Variants in SLC14A2 observed in about 807,000 individuals in gnomAD.
SLC14A2 encodes the protein solute carrier family 14 member 2.
Under a neutral mutation model 104.6 loss-of-function variants are expected in SLC14A2, and 91 were observed. The ratio of observed to expected loss-of-function variants is 0.87; its 90% CI spans 0.73 to 1.04. SLC14A2 has a LOEUF of 1.04. Among genes scored for constraint, SLC14A2 ranks in the 50% least tolerant of loss-of-function variants. The pLI is 0.00. For missense variants in SLC14A2, 1,189 were observed against 1,156.0 expected, an observed-to-expected ratio of 1.03 and a Z score of -0.41; for synonymous variants, 476 against 466.4, an observed-to-expected ratio of 1.02 and a Z score of -0.27.
At chr18:45,476,294 T>G (rs187737016) in intron 1 of SLC14A2, among the ~76,000 whole-genome samples, 8 of 152,152 alleles carry the variant, frequency 5.3e-5, no homozygotes, top group Non-Finnish European at 1.0e-4. Flanking sequence ...TTTTAAGAAT[T>G]TTGAATATTG....
intron 2 of SLC14A2, among the ~76,000 whole-genome samples, chr18:45,575,019 T>C (rs967694428): frequency 2.6e-5 from 4 of 152,164 alleles, no homozygotes; most frequent in South Asian, 2.1e-4. Flanking sequence ...ACACCGACCA[T>C]GGAAGTGGGT....
chr18:45,355,018 A>T (rs147158213), intron 1 of SLC14A2, among the ~76,000 whole-genome samples: 127 of 152,342 alleles, frequency 8.3e-4, no homozygotes, highest in African/African-American at 3.0e-3. Flanking sequence ...TGGAAGAAAC[A>T]ATTGAGTCTG....
chr18:45,509,978 G>T (rs777206262), intron 2 of SLC14A2, among the ~76,000 whole-genome samples: 1 of 152,116 alleles, frequency 6.6e-6, no homozygotes, highest in Non-Finnish European at 1.5e-5. Flanking sequence ...CTGAGTGGAG[G>T]GGTTGCCCAT....
chr18:45,640,498 C>T (rs1053673295), intron 7 of SLC14A2, among the ~76,000 whole-genome samples: 1 of 152,124 alleles, frequency 6.6e-6, no homozygotes, highest in Non-Finnish European at 1.5e-5. Flanking sequence ...AACAAATGTG[C>T]TTTAATATTG....
At chr18:45,304,290 G>A (rs1441289689) in intron 1 of SLC14A2, among the ~76,000 whole-genome samples, 1 of 152,168 alleles carries the variant, frequency 6.6e-6, no homozygotes, top group Non-Finnish European at 1.5e-5. Context: ...AGAACAATGT[G>A]AGACTATTCC....
At chr18:45,179,285 T>C in the SLC14A2 span, among the ~76,000 whole-genome samples, 1 of 152,182 alleles carries the variant, frequency 6.6e-6, no homozygotes, top group African/African-American at 2.4e-5. Context: ...GAGAGGCCAT[T>C]GCAGAGCATG....
chr18:45,589,806 G>A (rs2144383717), intron 2 of SLC14A2, among the ~76,000 whole-genome samples: 1 of 152,336 alleles, frequency 6.6e-6, no homozygotes, highest in Middle Eastern at 3.4e-3. Flanking sequence ...TTAACTTGCT[G>A]AAGAAGAGGG....
intron 1 of SLC14A2, among the ~76,000 whole-genome samples, chr18:45,358,209 G>A (rs185688320): frequency 6.6e-6 from 1 of 152,244 alleles, no homozygotes; most frequent in Admixed American, 6.5e-5. Flanking sequence ...GGTTTCCCTG[G>A]CAGAAGCCTG....
chr18:45,475,642 GATATATATATAT>G (rs137928157), intron 1 of SLC14A2, among the ~76,000 whole-genome samples: 1,818 of 49,072 alleles, frequency 0.037, 37 homozygotes, highest in South Asian at 0.061. Context: ...ATATATTTAG[GATATATATATAT>G]ATATATATAT....
At chr18:45,408,345 A>T (rs1445105576) in intron 1 of SLC14A2, among the ~76,000 whole-genome samples, 2 of 152,172 alleles carry the variant, frequency 1.3e-5, no homozygotes, top group Non-Finnish European at 2.9e-5. Flanking sequence ...CCTACAATTA[A>T]TGAGTGGTAC....
At chr18:45,397,882 T>C (rs2086053059) in intron 1 of SLC14A2, among the ~76,000 whole-genome samples, 1 of 152,040 alleles carries the variant, frequency 6.6e-6, no homozygotes, top group African/African-American at 2.4e-5. Flanking sequence ...AAAAACTTAG[T>C]TCAGTGCCCA....
intron 1 of SLC14A2, among the ~76,000 whole-genome samples, chr18:45,257,681 C>A (rs554042387): frequency 6.6e-6 from 1 of 152,168 alleles, no homozygotes; most frequent in Non-Finnish European, 1.5e-5. Flanking sequence ...ATTTCTCCAA[C>A]CTCATAGAGG....
intron 2 of SLC14A2, among the ~76,000 whole-genome samples, chr18:45,488,461 G>C (rs2087656162): frequency 6.6e-6 from 1 of 152,136 alleles, no homozygotes; most frequent in African/African-American, 2.4e-5. Flanking sequence ...CAAAAGAGTA[G>C]AGTTCATGGT....
At chr18:45,345,110 T>A (rs1375299652) in intron 1 of SLC14A2, among the ~76,000 whole-genome samples, 1 of 152,192 alleles carries the variant, frequency 6.6e-6, no homozygotes, top group Non-Finnish European at 1.5e-5. Context: ...TCCTTGTGCA[T>A]TCTTGTTCAT....
At chr18:45,253,511 A>G (rs1420676070) in intron 1 of SLC14A2, among the ~76,000 whole-genome samples, 1 of 150,740 alleles carries the variant, frequency 6.6e-6, no homozygotes, top group African/African-American at 2.5e-5. Context: ...TTAAAAGTCA[A>G]ATGACTGCAA....
At chr18:45,584,168 G>A (rs1054358560) in intron 2 of SLC14A2, among the ~76,000 whole-genome samples, 3 of 152,244 alleles carry the variant, frequency 2.0e-5, no homozygotes, top group Admixed American at 6.5e-5. Flanking sequence ...GAGCCACACA[G>A]TGACAGAATA....
chr18:45,347,008 TAAACAAAC>T (rs139343296), intron 1 of SLC14A2, among the ~76,000 whole-genome samples: 2 of 126,078 alleles, frequency 1.6e-5, no homozygotes, highest in South Asian at 2.6e-4. Flanking sequence ...AATAAATAAA[TAAACAAAC>T]AAACAAATCA....
chr18:45,376,079 A>T (rs774657204), intron 1 of SLC14A2, among the ~76,000 whole-genome samples: 57 of 152,126 alleles, frequency 3.7e-4, no homozygotes, highest in Non-Finnish European at 6.6e-4. Flanking sequence ...ATGGACATTA[A>T]CTAGCCAACC....
At chr18:45,352,887 A>G (rs530599156) in intron 1 of SLC14A2, among the ~76,000 whole-genome samples, 2 of 152,324 alleles carry the variant, frequency 1.3e-5, no homozygotes, top group East Asian at 3.9e-4. Flanking sequence ...CATCCCCCAG[A>G]ATCACAGCAG....
Sources: allele counts gnomAD v4.1 joint callset (sites outside exome capture counted in the v4.1 genomes callset), GRCh38; gene constraint gnomAD v4.1.1; transcripts MANE v1.5; gene names NCBI Gene and HGNC (gene_info 2026-07-23, HGNC 2026-07-21).